The following FBXO11 variants were observed in gnomAD, a reference collection of about 807,000 sequenced individuals.
FBXO11 encodes F-box only protein 11.
FBXO11 carries 13 observed loss-of-function variants against 117.0 expected under a neutral mutation model. The ratio of observed to expected loss-of-function variants is 0.11; its 90% confidence interval spans 0.07 to 0.18. The LOEUF (loss-of-function observed/expected upper bound fraction) is 0.18, where lower values mean the gene tolerates loss of function less well. FBXO11 is among the 10% of genes least tolerant of loss of function. The pLI is 1.00. For missense variants in FBXO11, 767 were observed against 1,164.4 expected (o/e 0.66, Z 4.97); for synonymous variants, 490 against 380.5 (o/e 1.29, Z -3.35).
At chr2:47,897,567 T>C (rs1403230030) in intron 1 of FBXO11, among the ~76,000 whole-genome samples, 2 of 151,852 alleles carry the variant, frequency 1.3e-5, no homozygotes, top group Non-Finnish European at 2.9e-5. Context: ...CATGGTGGTG[T>C]GCACCTATAA....
rs1210228032 is a variant in FBXO11 at position 47,817,985 on chromosome 2, T to C, written c.2006+794A>G. Among the ~76,000 whole-genome samples the C allele has an allele frequency of 4.6e-5, 7 of 152,066 alleles. No individual in the cohort carries two copies. The South Asian group carries it at 1.5e-3, about 32-fold the overall frequency. ...CAATATGGAGAAACCCCATCTCTAC[T>C]AAAAATACAAAGTCAGCCAGGCATG... On this transcript the variant is annotated intron_variant, in intron 16 of 22. Transcript: ENST00000403359.
intron 1 of FBXO11, among the ~76,000 whole-genome samples, chr2:47,859,939 T>C (rs1317817993): frequency 1.3e-5 from 2 of 152,198 alleles, no homozygotes; most frequent in South Asian, 2.1e-4. Flanking sequence ...GAGATTCTCA[T>C]GAAAAGTTCA....
intron 1 of FBXO11, among the ~76,000 whole-genome samples, chr2:47,864,998 C>T (rs1675086188): frequency 6.6e-6 from 1 of 152,144 alleles, no homozygotes; most frequent in South Asian, 2.1e-4. Context: ...TAGTTTAAAC[C>T]TATTTATAGA....
At chr2:47,814,130 C>A in intron 16 of FBXO11, 1 of 340,926 alleles carries the variant, frequency 2.9e-6, no homozygotes, top group Non-Finnish European at 5.5e-6. Context: ...ACATATATTC[C>A]CCTCATATGT....
intron 1 of FBXO11, among the ~76,000 whole-genome samples, chr2:47,892,877 C>T (rs1035858362): frequency 5.3e-5 from 8 of 151,854 alleles, no homozygotes; most frequent in African/African-American, 1.9e-4. Context: ...AAGTCATTTA[C>T]ATCAAAATGC....
chr2:47,891,881 C>A (rs771602172), intron 1 of FBXO11, among the ~76,000 whole-genome samples: 7 of 152,058 alleles, frequency 4.6e-5, no homozygotes, highest in Admixed American at 6.6e-5. Flanking sequence ...GATGTTGAGT[C>A]TTTTTCCATA....
intron 11 of FBXO11, among the ~76,000 whole-genome samples, chr2:47,825,078 C>T (rs1572789136): frequency 6.6e-6 from 1 of 151,334 alleles, no homozygotes; most frequent in Non-Finnish European, 1.5e-5. Context: ...AGTACTCAAA[C>T]AGGATTTGAT....
rs1309666330 is a variant in FBXO11, at chr2:47,807,626, A to AT, written c.*491dup. 1 of 222,368 alleles carries AT rather than the reference A, an allele frequency of 4.5e-6. No individual in the cohort carries two copies. Among genetic ancestry groups the AT allele is most frequent in the African/African-American group, 2.3e-5 (1 of 44,366 alleles). The allele number at this position is 222,368 out of a possible 1,614,324, so 13.8% of individuals were successfully genotyped here. A position where few individuals can be genotyped will look rare whatever the true frequency, so the allele number is the denominator to read the frequency against. On this transcript the variant is annotated 3_prime_UTR_variant, in exon 23 of 23. Coordinates refer to ENST00000403359, the MANE Select transcript of FBXO11 (RefSeq NM_001190274.2). ...TGAAATTAAAAACAAACTACATGAGATTAAAGCATTAAAATCATATTTCTC... is the reference window on the plus strand; with the variant it reads ...TGAAATTAAAAACAAACTACATGAGATTTAAAGCATTAAAATCATATTTCTC...
intron 1 of FBXO11, among the ~76,000 whole-genome samples, chr2:47,874,626 C>T (rs1380959587): frequency 6.6e-6 from 1 of 152,164 alleles, no homozygotes; most frequent in African/African-American, 2.4e-5. Context: ...CCTCCAACTC[C>T]TGGGTTGAAA....
At chr2:47,847,817 T>C (rs535428228) in intron 1 of FBXO11, among the ~76,000 whole-genome samples, 1 of 152,090 alleles carries the variant, frequency 6.6e-6, no homozygotes, top group South Asian at 2.1e-4. Flanking sequence ...AGACAGACTG[T>C]GTGTGTATAT....
At chr2:47,852,167 T>C (rs1673918384) in intron 1 of FBXO11, among the ~76,000 whole-genome samples, 1 of 152,078 alleles carries the variant, frequency 6.6e-6, no homozygotes, top group Non-Finnish European at 1.5e-5. Flanking sequence ...TTTTTGTATT[T>C]TTAGTAGAGA....
chr2:47,861,977 G>A (rs889884934), intron 1 of FBXO11, among the ~76,000 whole-genome samples: 3 of 151,686 alleles, frequency 2.0e-5, no homozygotes, highest in Non-Finnish European at 2.9e-5. Context: ...CAGTGGCACA[G>A]TCTCAGCTCA....
chr2:47,840,841 T>C (rs1339646898), intron 1 of FBXO11, among the ~76,000 whole-genome samples: 3 of 146,362 alleles, frequency 2.0e-5, no homozygotes, highest in Admixed American at 6.8e-5. Context: ...TTCATAATAA[T>C]ACTTTAAAAA....
At chr2:47,897,125 AAT>A (rs745495083) in intron 1 of FBXO11, among the ~76,000 whole-genome samples, 9 of 152,244 alleles carry the variant, frequency 5.9e-5, no homozygotes, top group Non-Finnish European at 1.3e-4. Flanking sequence ...GGGAATAAAA[AAT>A]AGTTACATGC....
chr2:47,813,996 A>C (rs1368368625), intron 16 of FBXO11, 129 bp from the exon 17 acceptor site: 6 of 653,982 alleles, frequency 9.2e-6, no homozygotes, highest in Non-Finnish European at 1.6e-5. Flanking sequence ...ATGGAGTCCA[A>C]GATGCCCTGA....
chr2:47,836,448 A>C (rs931372553), intron 4 of FBXO11, among the ~76,000 whole-genome samples: 9 of 152,006 alleles, frequency 5.9e-5, no homozygotes, highest in Non-Finnish European at 1.2e-4. Context: ...AGTTCACTGC[A>C]ACCTCTGCCT....
At chr2:47,829,903 A>G (rs1016230617) in intron 11 of FBXO11, among the ~76,000 whole-genome samples, 3 of 152,208 alleles carry the variant, frequency 2.0e-5, no homozygotes, top group Admixed American at 6.5e-5. Context: ...TCATTACACT[A>G]TTCTCTCTAC....
At chr2:47,841,720 A>T (rs1460399083) in intron 1 of FBXO11, among the ~76,000 whole-genome samples, 1 of 152,128 alleles carries the variant, frequency 6.6e-6, no homozygotes, top group Non-Finnish European at 1.5e-5. Context: ...AGCTCACTGC[A>T]ACCTCCACCT....
chr2:47,872,173 G>A (rs1349295597), intron 1 of FBXO11, among the ~76,000 whole-genome samples: 1 of 152,150 alleles, frequency 6.6e-6, no homozygotes, highest in Non-Finnish European at 1.5e-5. Flanking sequence ...TTAGAGTTAA[G>A]GCATAAAATG....
Sources: gnomAD v4.1 joint callset for allele counts (sites outside exome capture counted in the v4.1 genomes callset) on GRCh38, gnomAD v4.1.1 for gene constraint, MANE v1.5 for transcripts, NCBI Gene and HGNC (gene_info 2026-07-23, HGNC 2026-07-21) for gene names.